HSPD1: variants seen among roughly 807,000 people sequenced by gnomAD.
The protein encoded by HSPD1 is 60 kDa heat shock protein, mitochondrial.
In HSPD1, 3 loss-of-function variants were observed where a neutral mutation model predicts 53.0. That is an observed-to-expected ratio of 0.06 (90% CI 0.03 to 0.15). HSPD1 has a LOEUF of 0.15. Among genes scored for constraint, HSPD1 ranks in the 10% least tolerant of loss-of-function variants. HSPD1 has a pLI of 1.00. For synonymous variants in HSPD1, 200 were observed against 228.0 expected (o/e 0.88, Z 1.10); for missense variants, 431 against 694.1 (o/e 0.62, Z 4.26).
At position 197,497,170 on chromosome 2, in the gene HSPD1, T is replaced by G; in HGVS notation, c.397A>C (p.Lys133Gln). 6.2e-7 allele frequency: 1 copy of G among 1,614,210 alleles called. No individual in the cohort carries two copies. Among genetic ancestry groups the G allele is most frequent in the Non-Finnish European group, 8.5e-7 (1 of 1,180,004 alleles). ...CTGATTTCCACTGGATTAGCACCTT[T>G]GCTAATCTTCTCGAAGCCTTCCTTG... ...IAKEGFEKISKGANPVEIRRG... is the reference protein window; with the variant it reads ...IAKEGFEKISQGANPVEIRRG... Residue 133 changes from lysine (K) to glutamine (Q), a missense_variant, in exon 3 of 12, where the codon AAA becomes CAA. Lys to Gln is a moderately conservative substitution (Grantham distance 53). This residue lies in a region of HSPD1 where 386 missense variants were observed against 657.6 expected (regional missense o/e 0.59). Transcript: ENST00000388968.
intron 9 of HSPD1, 75 bp from the exon 10 acceptor site, chr2:197,488,566 T>C: frequency 7.0e-7 from 1 of 1,419,578 alleles, no homozygotes; most frequent in Non-Finnish European, 1.0e-6. Flanking sequence ...TTAAAAGCAG[T>C]TTACTTAAAA....
intron 3 of HSPD1, among the ~76,000 whole-genome samples, chr2:197,496,035 A>G (rs1264742586): frequency 6.6e-6 from 1 of 152,178 alleles, no homozygotes; most frequent in Non-Finnish European, 1.5e-5. Flanking sequence ...GCAAAAAAGG[A>G]CCAAAATGGC....
chr2:197,487,254 T>C (rs983766195), intron 11 of HSPD1, 56 bp from the exon 12 acceptor site: 57 of 1,526,434 alleles, frequency 3.7e-5, no homozygotes, highest in African/African-American at 2.2e-4. Flanking sequence ...GCAAGACTTA[T>C]TGAAAATTTC....
chr2:197,497,130 A>T lies in HSPD1; in HGVS notation c.427+10T>A. 1 of 1,613,876 alleles carries T rather than the reference A, an allele frequency of 6.2e-7. No individual in the cohort carries two copies. Among genetic ancestry groups the T allele is most frequent in the Non-Finnish European group, 8.5e-7 (1 of 1,179,730 alleles). On this transcript the variant is annotated intron_variant, in intron 3 of 11. Transcript: ENST00000388968. ...GTTTAGAACACTGTGGTGACAACAG[A>T]CATTCCTACCTCTCCTGATTTCCAC... is the stretch of plus-strand genomic sequence containing the variant.
At chr2:197,488,661 G>A (rs773615525) in intron 9 of HSPD1, among the ~76,000 whole-genome samples, 170 bp from the exon 10 acceptor site, 10 of 152,140 alleles carry the variant, frequency 6.6e-5, no homozygotes, top group Non-Finnish European at 1.3e-4. Context: ...TTGAGGTCAG[G>A]AGTTTGAGAC....
Position 197,486,653 on chromosome 2 carries a change from A to T in HSPD1, c.*393T>A. ...TGGATACTTCTCTACTTTGTACACA[A>T]TTATTCTCACTCTCCACAGAAAGGC... On this transcript the variant is annotated 3_prime_UTR_variant, in exon 12 of 12. Coordinates refer to ENST00000388968, the MANE Select transcript of HSPD1 (RefSeq NM_002156.5). 3.6e-6 allele frequency: 1 copy of T among 274,870 alleles called. No individual in the cohort carries two copies. Among genetic ancestry groups the T allele is most frequent in the Non-Finnish European group, 7.2e-6 (1 of 139,800 alleles). The allele number at this position is 274,870 out of a possible 1,614,324, so 17.0% of individuals were successfully genotyped here.
intron 6 of HSPD1, 39 bp from the exon 7 acceptor site, chr2:197,493,531 T>C (rs1442606366): frequency 7.0e-7 from 1 of 1,421,738 alleles, no homozygotes. Flanking sequence ...ATACAAAAAA[T>C]GACTGCAATA....
At chr2:197,497,573 A>G in intron 2 of HSPD1, 181 bp from the exon 3 acceptor site, 1 of 636,046 alleles carries the variant, frequency 1.6e-6, no homozygotes, top group Non-Finnish European at 2.8e-6. Context: ...TCTACAGACA[A>G]AATGACCTGA....
chr2:197,500,059 C>T (rs2086227396), upstream of HSPD1: 2 of 249,254 alleles, frequency 8.0e-6, no homozygotes, highest in East Asian at 1.8e-4. Flanking sequence ...GTTCCCGGGC[C>T]TCGCTCGGTT....
Position 197,486,892 on chromosome 2 carries a change from G to C in HSPD1, c.*154C>G. 1.6e-6 allele frequency: 1 copy of C among 633,352 alleles called. No homozygotes were observed. Among genetic ancestry groups the C allele is most frequent in the Non-Finnish European group, 2.8e-6 (1 of 354,740 alleles). 39.2% of individuals were successfully genotyped at this position (633,352 alleles called of 1,614,324 possible). ...ACAGCAGTAAACCATTATATATTTT[G>C]TCAACTGAAACCAGTAACTGATGGT... On this transcript the variant is annotated 3_prime_UTR_variant, in exon 12 of 12. Transcript: ENST00000388968.
intron 9 of HSPD1, 82 bp downstream of exon 9, chr2:197,488,920 G>A: frequency 1.1e-5 from 15 of 1,347,358 alleles, no homozygotes; most frequent in Non-Finnish European, 4.3e-6. Context: ...TTAGTTCTAT[G>A]GTACTACTGG....
Position 197,498,786 on chromosome 2 carries a change from A to T in HSPD1, c.63T>A (p.His21Gln). ...MRPVSRVLAP[H>Q]LTRAYAKDVK... ...CATCTTTGGCATAAGCCCGAGTGAG[A>T]TGAGGAGCCAGTACCCTGGACACCG... Residue 21 changes from histidine to glutamine, a missense_variant, in exon 2 of 12, where the codon CAT becomes CAA. His to Gln is a conservative substitution (Grantham distance 24). This residue lies in a region of HSPD1 where 45 missense variants were observed against 36.5 expected (regional missense o/e 1.23). Transcript: ENST00000388968. 6.2e-7 allele frequency: 1 copy of T among 1,614,196 alleles called. No individual in the cohort carries two copies. Among genetic ancestry groups the T allele is most frequent in the Non-Finnish European group, 8.5e-7 (1 of 1,180,030 alleles).
intron 2 of HSPD1, among the ~76,000 whole-genome samples, chr2:197,498,311 A>T (rs1289616649): frequency 6.6e-6 from 1 of 152,220 alleles, no homozygotes; most frequent in Non-Finnish European, 1.5e-5. Context: ...ATACCTAAGG[A>T]ATTATGGAAG....
At chr2:197,496,400 G>A (rs1183288174) in intron 3 of HSPD1, among the ~76,000 whole-genome samples, 6 of 152,168 alleles carry the variant, frequency 3.9e-5, no homozygotes, top group Non-Finnish European at 7.3e-5. Flanking sequence ...TGATACATTA[G>A]TAATGTAGTA....
intron 3 of HSPD1, among the ~76,000 whole-genome samples, chr2:197,496,692 T>A (rs1559303516): frequency 6.6e-6 from 1 of 152,202 alleles, no homozygotes; most frequent in Non-Finnish European, 1.5e-5. Context: ...GTGTGTGCTA[T>A]TAAGAAAAAA....
chr2:197,496,066 CAAG>C (rs781631032), intron 3 of HSPD1, among the ~76,000 whole-genome samples: 2 of 152,182 alleles, frequency 1.3e-5, no homozygotes, highest in African/African-American at 4.8e-5. Flanking sequence ...TTATTTTCAA[CAAG>C]AAGTACAGTT....
rs1329172428 is a variant in HSPD1 at position 197,488,051 on chromosome 2, C to T, written c.1391-15G>A. 4.5e-6 allele frequency: 7 copies of T among 1,552,850 alleles called. No individual in the cohort carries two copies. The highest frequency in any genetic ancestry group is 3.5e-4 in the Middle Eastern group (2 of 5,676). ...AATTTCTATACCTACAGAGAAATTT[C>T]AGCAAAATTTTAATACTTTCATTTG... On this transcript the variant is annotated splice_polypyrimidine_tract_variant and intron_variant, in intron 10 of 11. Coordinates refer to ENST00000388968, the MANE Select transcript of HSPD1 (RefSeq NM_002156.5).
intron 7 of HSPD1, among the ~76,000 whole-genome samples, chr2:197,492,637 G>C: frequency 6.6e-6 from 1 of 151,634 alleles, no homozygotes; most frequent in South Asian, 2.1e-4. Flanking sequence ...CCGGAGGCTT[G>C]AGCTGAGATT....
At chr2:197,488,927 C>G in intron 9 of HSPD1, 75 bp downstream of exon 9, 1 of 1,428,664 alleles carries the variant, frequency 7.0e-7, no homozygotes. Context: ...TATGGTACTA[C>G]TGGGGAATAC....
Sources: gnomAD v4.1 joint callset for allele counts (sites outside exome capture counted in the v4.1 genomes callset) on GRCh38, gnomAD v4.1.1 for gene constraint, gnomAD v4.1.1 regional missense constraint, MANE v1.5 for transcripts, NCBI Gene and HGNC (gene_info 2026-07-23, HGNC 2026-07-21) for gene names.